Variants in MBOAT1 observed in about 807,000 individuals in gnomAD.
The protein encoded by MBOAT1 is membrane bound glycerophospholipid O-acyltransferase 1.
In MBOAT1, 67 loss-of-function variants were observed where a neutral mutation model predicts 64.4. The observed-to-expected ratio is 1.04, with a 90% confidence interval of 0.85 to 1.27. The LOEUF is 1.27. Among genes scored for constraint, MBOAT1 ranks in the 50% most tolerant of loss-of-function variants. The pLI, the probability that MBOAT1 is intolerant of heterozygous loss-of-function variation, is 0.00. For missense variants in MBOAT1, 563 were observed against 604.6 expected (o/e 0.93, Z 0.72); for synonymous variants, 229 against 218.9 (o/e 1.05, Z -0.41).
intron 1 of MBOAT1, 123 bp downstream of exon 1, chr6:20,212,013 C>G: frequency 1.4e-6 from 1 of 713,084 alleles, no homozygotes. Context: ...CAAAAACCAA[C>G]TGTCTAGTGT....
intron 12 of MBOAT1, among the ~76,000 whole-genome samples, chr6:20,105,339 T>C (rs1387856091): frequency 6.6e-6 from 1 of 152,256 alleles, no homozygotes; most frequent in East Asian, 1.9e-4. Context: ...GAATATTTCA[T>C]CTATTATGGA....
At chr6:20,201,495 G>A (rs1366054425) in intron 1 of MBOAT1, among the ~76,000 whole-genome samples, 1 of 152,128 alleles carries the variant, frequency 6.6e-6, no homozygotes, top group Non-Finnish European at 1.5e-5. Context: ...AAGGGAAGCA[G>A]GGGTGAGAGA....
At chr6:20,116,932 G>A (rs1012854287) in intron 9 of MBOAT1, among the ~76,000 whole-genome samples, 1 of 152,156 alleles carries the variant, frequency 6.6e-6, no homozygotes, top group African/African-American at 2.4e-5. Flanking sequence ...GAGTTTGGAA[G>A]GAGAGAAGAA....
intron 1 of MBOAT1, among the ~76,000 whole-genome samples, chr6:20,208,590 A>AT (rs1326933434): frequency 6.6e-6 from 1 of 152,156 alleles, no homozygotes; most frequent in Non-Finnish European, 1.5e-5. Context: ...GCTTACATTA[A>AT]TAATCCTAAA....
chr6:20,109,961 G>A lies in MBOAT1; in HGVS notation c.1210-212C>T, dbSNP rs188137925. ...GTCTCGCTCTGTCGCCCAGGCTGGA[G>A]TGCAGTGGCGCAATCTCAGCTCACT... On this transcript the variant is annotated intron_variant, in intron 11 of 12. Coordinates refer to ENST00000324607, the MANE Select transcript of MBOAT1 (RefSeq NM_001080480.3). 5.6e-5 allele frequency among the ~76,000 whole-genome samples: 8 copies of A among 143,620 alleles called. No homozygotes were observed. In the East Asian group the frequency reaches 1.6e-3, roughly 30 times the overall value. 94.2% of individuals were successfully genotyped at this position (143,620 alleles called of 152,430 possible). A position where few individuals can be genotyped will look rare whatever the true frequency, so the allele number is the denominator to read the frequency against.
At chr6:20,153,788 G>C (rs1254359508) in intron 1 of MBOAT1, among the ~76,000 whole-genome samples, 2 of 152,042 alleles carry the variant, frequency 1.3e-5, no homozygotes, top group Non-Finnish European at 2.9e-5. Flanking sequence ...TGAGAATATT[G>C]GGCCTAAAAG....
intron 1 of MBOAT1, among the ~76,000 whole-genome samples, chr6:20,157,238 C>T (rs984317856): frequency 6.6e-6 from 1 of 152,136 alleles, no homozygotes; most frequent in African/African-American, 2.4e-5. Flanking sequence ...TTATGGAGAG[C>T]TATGATCATG....
intron 10 of MBOAT1, 35 bp from the exon 11 acceptor site, chr6:20,113,043 A>C: frequency 6.2e-7 from 1 of 1,601,018 alleles, no homozygotes; most frequent in Non-Finnish European, 8.5e-7. Context: ...CACAGGTGAA[A>C]CATACCAGAA....
intron 8 of MBOAT1, among the ~76,000 whole-genome samples, chr6:20,123,631 G>A (rs1760557064): frequency 6.6e-6 from 1 of 151,372 alleles, no homozygotes; most frequent in Non-Finnish European, 1.5e-5. Flanking sequence ...ATCACTTGAA[G>A]TCAGCTTCTT....
At chr6:20,111,255 T>C (rs1056599087) in intron 11 of MBOAT1, among the ~76,000 whole-genome samples, 2 of 152,234 alleles carry the variant, frequency 1.3e-5, no homozygotes, top group East Asian at 1.9e-4. Context: ...GGCTAGGGGA[T>C]AGGCAGGTCA....
intron 12 of MBOAT1, among the ~76,000 whole-genome samples, chr6:20,108,448 A>G (rs1760023776): frequency 6.6e-6 from 1 of 152,216 alleles, no homozygotes; most frequent in African/African-American, 2.4e-5. Flanking sequence ...AAAAGCATAT[A>G]TTGTAACAGC....
intron 4 of MBOAT1, among the ~76,000 whole-genome samples, chr6:20,133,841 CCT>C (rs1473080449): frequency 9.2e-5 from 14 of 152,114 alleles, no homozygotes; most frequent in African/African-American, 3.4e-4. Flanking sequence ...GTAGAATGTA[CCT>C]CTCAGATCTG....
At position 20,112,924 on chromosome 6, in the gene MBOAT1, G is replaced by A; in HGVS notation, c.1161C>T (p.Tyr387=). ...SALWHGVYPG[Y]YFTFLTGILV... ...GAATTCCAGTTAAGAAGGTAAAATA[G>A]TATCCAGGGTAGACACCATGCCACA... The change falls in exon 11 of 13, where the codon TAC becomes TAT. Residue 387 remains tyrosine (Y), a synonymous_variant. Coordinates refer to ENST00000324607, the MANE Select transcript of MBOAT1 (RefSeq NM_001080480.3). 1 of 1,614,118 alleles carries A rather than the reference G, an allele frequency of 6.2e-7. No individual in the cohort carries two copies. The highest frequency in any genetic ancestry group is 1.3e-5 in the African/African-American group (1 of 75,042).
intron 1 of MBOAT1, among the ~76,000 whole-genome samples, chr6:20,189,604 A>G (rs1416851515): frequency 6.6e-6 from 1 of 152,216 alleles, no homozygotes; most frequent in Non-Finnish European, 1.5e-5. Context: ...TATTTTACCT[A>G]TCATCACCAT....
intron 12 of MBOAT1, among the ~76,000 whole-genome samples, chr6:20,104,081 T>C (rs1287361967): frequency 6.6e-6 from 1 of 152,224 alleles, no homozygotes; most frequent in Non-Finnish European, 1.5e-5. Context: ...TGTGTTCAAA[T>C]TGCCTACAGT....
chr6:20,190,157 G>T (rs1013329009), intron 1 of MBOAT1, among the ~76,000 whole-genome samples: 1 of 151,908 alleles, frequency 6.6e-6, no homozygotes, highest in Non-Finnish European at 1.5e-5. Context: ...ACCATGCCTG[G>T]CTAATTTTTG....
intron 1 of MBOAT1, among the ~76,000 whole-genome samples, chr6:20,156,498 A>T (rs2113702485): frequency 6.6e-6 from 1 of 152,312 alleles, no homozygotes; most frequent in Non-Finnish European, 1.5e-5. Flanking sequence ...AGAAACACAC[A>T]ACACCACCAC....
At chr6:20,138,235 T>C (rs975693453) in intron 4 of MBOAT1, among the ~76,000 whole-genome samples, 1 of 152,148 alleles carries the variant, frequency 6.6e-6, no homozygotes, top group Non-Finnish European at 1.5e-5. Context: ...CTTCGAGAAC[T>C]AGATAGTAGG....
chr6:20,150,693 A>G (rs1761466125), intron 3 of MBOAT1, among the ~76,000 whole-genome samples: 1 of 148,984 alleles, frequency 6.7e-6, no homozygotes, highest in Non-Finnish European at 1.5e-5. Flanking sequence ...GTCCCTGAGT[A>G]GCTGGGACTA....
Sources: allele counts gnomAD v4.1 joint callset (sites outside exome capture counted in the v4.1 genomes callset), GRCh38; gene constraint gnomAD v4.1.1; transcripts MANE v1.5; gene names NCBI Gene and HGNC (gene_info 2026-07-23, HGNC 2026-07-21).